The following SRGAP1 variants were observed in gnomAD, a reference collection of about 807,000 sequenced individuals.
SRGAP1 encodes SLIT-ROBO Rho GTPase-activating protein 1.
A neutral mutation model predicts 121.9 loss-of-function variants in SRGAP1; 43 were observed. The ratio of observed to expected loss-of-function variants is 0.35; its 90% CI spans 0.28 to 0.46. The LOEUF is 0.46. Ranked by LOEUF, SRGAP1 falls within the 20% of genes least tolerant of loss-of-function variation. SRGAP1 has a pLI of 1.00. For missense variants in SRGAP1, 1,102 were observed against 1,350.9 expected (o/e 0.82, Z 2.89); for synonymous variants, 447 against 485.4 (o/e 0.92, Z 1.04).
chr12:64,036,010 C>A lies in SRGAP1; in HGVS notation c.490-6780C>A, dbSNP rs146552618. On this transcript the variant is annotated intron_variant, in intron 4 of 21. Transcript: ENST00000355086. ...GCTCAGGGGCATTAGGAAACTTGCC[C>A]ACTTAAGAATTGATGGCACTGGAAC... 2.4e-4 allele frequency among the ~76,000 whole-genome samples: 36 copies of A among 152,312 alleles called. No individual in the cohort carries two copies. The East Asian group carries it at 6.9e-3, about 29-fold the overall frequency.
intron 21 of SRGAP1, among the ~76,000 whole-genome samples, chr12:64,139,599 T>C (rs2036924284): frequency 6.6e-6 from 1 of 152,024 alleles, no homozygotes. Flanking sequence ...TTTGTTTTTT[T>C]CTTGTAAATT....
intron 1 of SRGAP1, among the ~76,000 whole-genome samples, chr12:63,865,482 CA>C (rs1446713531): frequency 1.3e-5 from 2 of 148,500 alleles, no homozygotes; most frequent in Non-Finnish European, 1.5e-5. Flanking sequence ...CCGCCGCTGC[CA>C]AAAAAAAAAT....
At chr12:63,949,538 C>T (rs1310840314) in intron 1 of SRGAP1, among the ~76,000 whole-genome samples, 1 of 151,402 alleles carries the variant, frequency 6.6e-6, no homozygotes, top group African/African-American at 2.4e-5. Context: ...CGCCATTCTC[C>T]TGCCTCAGCC....
At chr12:64,050,007 T>G (rs1313785142) in intron 6 of SRGAP1, among the ~76,000 whole-genome samples, 2 of 152,182 alleles carry the variant, frequency 1.3e-5, no homozygotes, top group African/African-American at 4.8e-5. Flanking sequence ...ACAATATTGA[T>G]TCTCCCAATC....
chr12:64,021,906 C>G (rs560811412), intron 4 of SRGAP1, among the ~76,000 whole-genome samples: 22 of 152,068 alleles, frequency 1.4e-4, no homozygotes, highest in Non-Finnish European at 3.2e-4. Context: ...GCCTAATTTG[C>G]TAATTCTTTT....
intron 4 of SRGAP1, chr12:64,032,808 G>T: frequency 5.4e-6 from 1 of 184,464 alleles, no homozygotes. Flanking sequence ...CTAAATGTAT[G>T]AGTATCAGTG....
At chr12:64,131,719 T>C (rs2036787368) in intron 21 of SRGAP1, among the ~76,000 whole-genome samples, 1 of 152,130 alleles carries the variant, frequency 6.6e-6, no homozygotes. Context: ...CCACTTCCAT[T>C]TGATGATGGA....
chr12:64,079,751 G>A (rs1403252322), intron 9 of SRGAP1, among the ~76,000 whole-genome samples: 2 of 151,976 alleles, frequency 1.3e-5, no homozygotes, highest in Non-Finnish European at 2.9e-5. Flanking sequence ...GAGAGCTGGT[G>A]AAAGTGCCAG....
At chr12:64,024,290 G>C (rs1007057088) in intron 4 of SRGAP1, among the ~76,000 whole-genome samples, 2 of 152,108 alleles carry the variant, frequency 1.3e-5, no homozygotes, top group Admixed American at 1.3e-4. Flanking sequence ...ATTTAGCTGG[G>C]TGTGGTGGTG....
chr12:63,902,296 T>C lies in SRGAP1; in HGVS notation c.67+57413T>C, dbSNP rs1265612976. Reference sequence around the variant, plus strand: ...GCAAGTAACAACAAGATTTATTGAATGTTTACTATGTTCTAGACACTATTC... The same window carrying C: ...GCAAGTAACAACAAGATTTATTGAACGTTTACTATGTTCTAGACACTATTC... On this transcript the variant is annotated intron_variant, in intron 1 of 21. Coordinates refer to ENST00000355086, the MANE Select transcript of SRGAP1 (RefSeq NM_020762.4). Among the ~76,000 whole-genome samples the C allele has an allele frequency of 2.0e-5, 3 of 152,260 alleles. No individual in the cohort carries two copies. In the South Asian group the frequency reaches 6.2e-4, roughly 32 times the overall value.
intron 1 of SRGAP1, among the ~76,000 whole-genome samples, chr12:63,946,580 C>T (rs1387682558): frequency 3.2e-4 from 48 of 149,162 alleles, no homozygotes; most frequent in Admixed American, 4.7e-4. Context: ...CACTCTCTCT[C>T]TCGCCCACGC....
intron 15 of SRGAP1, among the ~76,000 whole-genome samples, chr12:64,101,351 G>GTGTGTGTGTGTGT (rs1593127447): frequency 6.7e-6 from 1 of 149,756 alleles, no homozygotes; most frequent in African/African-American, 2.5e-5. Context: ...GTGTGTGTGT[G>GTGTGTGTGTGTGT]ATGAGTAGTT....
intron 10 of SRGAP1, among the ~76,000 whole-genome samples, chr12:64,083,789 TATC>T (rs1170134209): frequency 1.3e-5 from 2 of 152,264 alleles, no homozygotes; most frequent in South Asian, 4.1e-4. Flanking sequence ...GGGGTGCAAA[TATC>T]AGTGCGATTT....
In SRGAP1 at chr12:64,128,045, C is replaced by T. The variant is rs762783398; in HGVS notation, c.2725C>T (p.Arg909Trp). Reference sequence around the variant, plus strand: ...TGGCCTCAACAATGACAGTCCTGAGCGGAGGCGCAGGCCTGGCCATGGCAG... The same window carrying T: ...TGGCCTCAACAATGACAGTCCTGAGTGGAGGCGCAGGCCTGGCCATGGCAG... Reference protein sequence around the residue: ...NRGLNNDSPERRRRPGHGSLT... With the variant: ...NRGLNNDSPEWRRRPGHGSLT... The change falls in exon 21 of 22, where the codon CGG becomes TGG. Residue 909 changes from arginine to tryptophan, a missense_variant. Arg to Trp is a moderately radical substitution (Grantham distance 101). Coordinates refer to ENST00000355086, the MANE Select transcript of SRGAP1 (RefSeq NM_020762.4). 36 of 1,614,004 alleles carry T rather than the reference C, an allele frequency of 2.2e-5. No homozygotes were observed. Among genetic ancestry groups the T allele is most frequent in the East Asian group, 6.7e-5 (3 of 44,882 alleles).
chr12:64,063,055 G>T lies in SRGAP1; in HGVS notation c.940G>T (p.Asp314Tyr). The change falls in exon 7 of 22, where the codon GAT becomes TAT. Residue 314 changes from aspartate (D) to tyrosine (Y), a missense_variant. Asp to Tyr is a radical substitution (Grantham distance 160). Coordinates refer to ENST00000355086, the MANE Select transcript of SRGAP1 (RefSeq NM_020762.4). ...NAVDNLEPRS[D>Y]KQRFMEMYPA... ...AGTTGATAATTTAGAGCCCAGGAGC[G>T]ATAAGCAGAGATTCATGGAGATGTA... 1 of 1,614,066 alleles carries T rather than the reference G, an allele frequency of 6.2e-7. No homozygotes were observed. The highest frequency in any genetic ancestry group is 8.5e-7 in the Non-Finnish European group (1 of 1,179,992).
intron 1 of SRGAP1, among the ~76,000 whole-genome samples, chr12:63,969,168 C>A (rs1255124959): frequency 6.6e-6 from 1 of 152,106 alleles, no homozygotes; most frequent in Non-Finnish European, 1.5e-5. Flanking sequence ...CATTTAAAAC[C>A]TAACCATGAA....
chr12:64,032,184 A>C (rs1177722208), intron 4 of SRGAP1, among the ~76,000 whole-genome samples: 1 of 152,182 alleles, frequency 6.6e-6, no homozygotes, highest in Non-Finnish European at 1.5e-5. Flanking sequence ...TCCCTGGGAC[A>C]GTGTCCCATG....
rs183954290 is a variant in SRGAP1, at chr12:63,957,757, A to G, written c.68-26190A>G. Among the ~76,000 whole-genome samples, 9 of 152,070 alleles carry G rather than the reference A, an allele frequency of 5.9e-5. No individual in the cohort carries two copies. In the East Asian group the frequency reaches 9.7e-4, roughly 16 times the overall value. ...GTCTGCTTGTCTTGGTTACTTGTCT[A>G]TTGCTTTTTAATGTGTTCCTTTTTT... On this transcript the variant is annotated intron_variant, in intron 1 of 21. Coordinates refer to ENST00000355086, the MANE Select transcript of SRGAP1 (RefSeq NM_020762.4).
At chr12:63,886,142 C>A (rs1273578769) in intron 1 of SRGAP1, among the ~76,000 whole-genome samples, 1 of 152,136 alleles carries the variant, frequency 6.6e-6, no homozygotes, top group Admixed American at 6.5e-5. Context: ...CTCACTGCAA[C>A]CTTCGCCTCC....
Sources: allele counts gnomAD v4.1 joint callset (sites outside exome capture counted in the v4.1 genomes callset), GRCh38; gene constraint gnomAD v4.1.1; transcripts MANE v1.5; gene names NCBI Gene and HGNC (gene_info 2026-07-23, HGNC 2026-07-21).